NRXN3: variants seen among roughly 807,000 people sequenced by gnomAD.
NRXN3 encodes neurexin III.
NRXN3 carries 32 observed loss-of-function variants against 137.6 expected under a neutral mutation model. The ratio of observed to expected loss-of-function variants is 0.23; its 90% CI spans 0.18 to 0.31. The LOEUF is 0.31. Among genes scored for constraint, NRXN3 ranks in the 10% least tolerant of loss-of-function variants. The pLI is 1.00. For synonymous variants in NRXN3, 798 were observed against 784.5 expected, an observed-to-expected ratio of 1.02 and a Z score of -0.29; for missense variants, 1,574 against 2,062.5, an observed-to-expected ratio of 0.76 and a Z score of 4.59.
chr14:79,384,042 A>G (rs962918531), intron 15 of NRXN3, among the ~76,000 whole-genome samples: 1 of 152,148 alleles, frequency 6.6e-6, no homozygotes, highest in African/African-American at 2.4e-5. Flanking sequence ...ACCTGAAGCA[A>G]TGCTTCTGGC....
chr14:79,165,341 A>C (rs1035880446), intron 15 of NRXN3, among the ~76,000 whole-genome samples: 4 of 152,030 alleles, frequency 2.6e-5, no homozygotes, highest in Non-Finnish European at 5.9e-5. Flanking sequence ...TAGAAGAATG[A>C]GAAGGAATCT....
intron 10 of NRXN3, among the ~76,000 whole-genome samples, chr14:78,920,931 C>T (rs1018900594): frequency 1.3e-5 from 2 of 152,170 alleles, no homozygotes; most frequent in African/African-American, 2.4e-5. Context: ...TCCTCAAACC[C>T]CATCTTTTAG....
chr14:79,348,114 CATT>C (rs1167036364), intron 15 of NRXN3, among the ~76,000 whole-genome samples: 8 of 152,110 alleles, frequency 5.3e-5, no homozygotes, highest in African/African-American at 1.9e-4. Context: ...GTATTTCCAT[CATT>C]GTTAACAGAG....
intron 6 of NRXN3, among the ~76,000 whole-genome samples, chr14:78,685,951 G>A (rs1201698691): frequency 6.6e-6 from 1 of 151,756 alleles, no homozygotes; most frequent in Non-Finnish European, 1.5e-5. Flanking sequence ...ACCCGGCCAT[G>A]TCACAGTTTT....
intron 15 of NRXN3, among the ~76,000 whole-genome samples, chr14:79,422,349 C>T (rs780535596): frequency 2.0e-5 from 3 of 152,152 alleles, no homozygotes; most frequent in Admixed American, 6.5e-5. Flanking sequence ...AGGCATGAGC[C>T]ACCAGGCCCA....
At chr14:79,526,484 A>G (rs1422079982) in intron 16 of NRXN3, among the ~76,000 whole-genome samples, 1 of 152,170 alleles carries the variant, frequency 6.6e-6, no homozygotes, top group Non-Finnish European at 1.5e-5. Context: ...TTTTAATCCT[A>G]TACAATGTTA....
intron 15 of NRXN3, among the ~76,000 whole-genome samples, chr14:79,323,719 C>T (rs779164213): frequency 2.6e-5 from 4 of 152,014 alleles, no homozygotes; most frequent in Non-Finnish European, 5.9e-5. Context: ...CGTAGCCGGG[C>T]GTGGCGGTGT....
intron 10 of NRXN3, among the ~76,000 whole-genome samples, chr14:78,845,309 ACT>A (rs1457054999): frequency 6.6e-6 from 1 of 152,040 alleles, no homozygotes; most frequent in African/African-American, 2.4e-5. Flanking sequence ...ATATGAAATA[ACT>A]CTCTGAGTTA....
chr14:79,797,267 C>A (rs547047570), intron 19 of NRXN3, among the ~76,000 whole-genome samples: 1 of 152,048 alleles, frequency 6.6e-6, no homozygotes, highest in Non-Finnish European at 1.5e-5. Flanking sequence ...GCTATATGAG[C>A]AAGTAAGTTA....
chr14:79,782,898 C>T (rs925094390), intron 19 of NRXN3, among the ~76,000 whole-genome samples: 12 of 152,108 alleles, frequency 7.9e-5, no homozygotes, highest in African/African-American at 2.9e-4. Context: ...GAATTTTGGC[C>T]TCATTTGTAG....
At chr14:78,312,369 T>G (rs2078071556) in intron 4 of NRXN3, among the ~76,000 whole-genome samples, 1 of 152,148 alleles carries the variant, frequency 6.6e-6, no homozygotes, top group Middle Eastern at 3.2e-3. Flanking sequence ...CAGTTGACTT[T>G]TAAAAAGCTT....
At chr14:79,445,397 G>C (rs548157421) in intron 15 of NRXN3, among the ~76,000 whole-genome samples, 1 of 152,166 alleles carries the variant, frequency 6.6e-6, no homozygotes, top group East Asian at 1.9e-4. Context: ...ATATGATTAA[G>C]TACCTACTCT....
intron 2 of NRXN3, among the ~76,000 whole-genome samples, chr14:78,277,508 A>G (rs571053745): frequency 6.6e-6 from 1 of 152,300 alleles, no homozygotes; most frequent in Admixed American, 6.5e-5. Context: ...GTGACCTTAT[A>G]TAAGTCTCTC....
At chr14:79,431,094 A>G (rs1452365270) in intron 15 of NRXN3, among the ~76,000 whole-genome samples, 1 of 152,164 alleles carries the variant, frequency 6.6e-6, no homozygotes, top group East Asian at 1.9e-4. Flanking sequence ...GCATAGCTGA[A>G]AAGATGACTT....
At chr14:78,203,757 T>A (rs1311822938) in intron 1 of NRXN3, among the ~76,000 whole-genome samples, 1 of 151,658 alleles carries the variant, frequency 6.6e-6, no homozygotes, top group Non-Finnish European at 1.5e-5. Flanking sequence ...AAATCACTAT[T>A]TTCCTACCAC....
Position 78,243,072 on chromosome 14 carries a change from G to A in NRXN3, c.-22G>A, listed in dbSNP as rs781258722. 29 of 1,482,980 alleles carry A rather than the reference G, an allele frequency of 2.0e-5. No individual in the cohort carries two copies. The East Asian group carries it at 2.2e-4, about 11-fold the overall frequency. The allele number at this position is 1,482,980 out of a possible 1,614,324, so 91.9% of individuals were successfully genotyped here. A position where few individuals can be genotyped will look rare whatever the true frequency, so the allele number is the denominator to read the frequency against. ...TGTTCCCTGGCCTGTCTGCTCCTCC[G>A]GGCTCTGTCCCAGCAGCGACAATGA... On this transcript the variant is annotated 5_prime_UTR_variant, in exon 2 of 21. Transcript: ENST00000335750. This position sits in a 1 kb window ranked among gnomAD's most constrained non-coding sequence, Gnocchi z 4.2.
intron 3 of NRXN3, among the ~76,000 whole-genome samples, chr14:78,297,394 G>A (rs1000512223): frequency 6.6e-6 from 1 of 152,180 alleles, no homozygotes; most frequent in African/African-American, 2.4e-5. Flanking sequence ...TTTTTCCCAA[G>A]TTTCTACAGT....
chr14:79,784,488 A>G (rs2099123126), intron 19 of NRXN3, among the ~76,000 whole-genome samples: 1 of 152,156 alleles, frequency 6.6e-6, no homozygotes, highest in African/African-American at 2.4e-5. Context: ...TTAAAAAGAA[A>G]GTTTATCCTT....
chr14:78,793,666 G>T (rs1185546797), intron 8 of NRXN3, among the ~76,000 whole-genome samples: 5 of 152,238 alleles, frequency 3.3e-5, no homozygotes, highest in Admixed American at 3.3e-4. Flanking sequence ...GGAGTCCAGG[G>T]TTTTTACCGG....
Sources: gnomAD v4.1 joint callset for allele counts (sites outside exome capture counted in the v4.1 genomes callset) on GRCh38, gnomAD v4.1.1 for gene constraint, Gnocchi (gnomAD v3.1) non-coding constraint, MANE v1.5 for transcripts, NCBI Gene and HGNC (gene_info 2026-07-23, HGNC 2026-07-21) for gene names.